The following EIF2S2 variants were observed in gnomAD, a reference collection of about 807,000 sequenced individuals.
The protein encoded by EIF2S2 is eukaryotic translation initiation factor 2 subunit 2.
Under a neutral mutation model 44.0 loss-of-function variants are expected in EIF2S2, and 4 were observed. The ratio of observed to expected loss-of-function variants is 0.09; its 90% CI spans 0.04 to 0.21. EIF2S2 has a LOEUF of 0.21. EIF2S2 is among the 10% of genes least tolerant of loss of function. EIF2S2 has a pLI of 1.00. For synonymous variants in EIF2S2, 108 were observed against 128.3 expected, an observed-to-expected ratio of 0.84 and a Z score of 1.07; for missense variants, 154 against 392.0, an observed-to-expected ratio of 0.39 and a Z score of 5.13.
intron 4 of EIF2S2, among the ~76,000 whole-genome samples, chr20:34,097,878 A>G (rs559581586): frequency 6.6e-6 from 1 of 152,372 alleles, no homozygotes; most frequent in African/African-American, 2.4e-5. Context: ...ATCTACTGAC[A>G]AAAGTTCTCT....
intron 6 of EIF2S2, 135 bp downstream of exon 6, chr20:34,096,522 G>A (rs2034230912): frequency 4.8e-6 from 4 of 829,028 alleles, no homozygotes; most frequent in East Asian, 2.7e-5. Context: ...AGGCTTGAAC[G>A]GTGAACTCCC....
chr20:34,101,184 C>A (rs1044532893), intron 3 of EIF2S2, among the ~76,000 whole-genome samples: 1 of 152,216 alleles, frequency 6.6e-6, no homozygotes, highest in Non-Finnish European at 1.5e-5. Context: ...GTGGCTCACA[C>A]CTGTCATCCC....
At chr20:34,092,260 A>G (rs1021748489) in intron 7 of EIF2S2, among the ~76,000 whole-genome samples, 1 of 152,212 alleles carries the variant, frequency 6.6e-6, no homozygotes, top group African/African-American at 2.4e-5. Flanking sequence ...ACTTGTTATA[A>G]TAGTTTATCC....
intron 1 of EIF2S2, among the ~76,000 whole-genome samples, chr20:34,109,522 C>T (rs1466104635): frequency 1.3e-5 from 2 of 151,846 alleles, no homozygotes; most frequent in Non-Finnish European, 2.9e-5. Context: ...TTAGCGGGTG[C>T]AAGAGCATGC....
At chr20:34,111,220 G>A (rs2034408229) in intron 1 of EIF2S2, among the ~76,000 whole-genome samples, 1 of 152,076 alleles carries the variant, frequency 6.6e-6, no homozygotes, top group African/African-American at 2.4e-5. Context: ...GGCCTTTCTC[G>A]ACCATTCCTT....
chr20:34,110,686 T>A (rs2034402561), intron 1 of EIF2S2, among the ~76,000 whole-genome samples: 1 of 152,214 alleles, frequency 6.6e-6, no homozygotes, highest in East Asian at 1.9e-4. Context: ...GTCCTATTTC[T>A]ACCTTGTGTG....
chr20:34,100,798 G>A (rs1027078872), intron 3 of EIF2S2, among the ~76,000 whole-genome samples: 4 of 152,168 alleles, frequency 2.6e-5, no homozygotes, highest in Non-Finnish European at 4.4e-5. Context: ...ACAAAGTAAA[G>A]CTTGACCCCA....
intron 3 of EIF2S2, among the ~76,000 whole-genome samples, chr20:34,102,812 G>A (rs191910019): frequency 1.3e-5 from 2 of 152,210 alleles, no homozygotes; most frequent in East Asian, 3.9e-4. Context: ...CTCTAGGGAG[G>A]AAAACAGATC....
intron 6 of EIF2S2, 22 bp from the exon 7 acceptor site, chr20:34,093,753 A>G: frequency 1.9e-6 from 3 of 1,580,778 alleles, no homozygotes; most frequent in Non-Finnish European, 2.6e-6. Flanking sequence ...ATCAAAATAT[A>G]TAAACCTTAT....
intron 1 of EIF2S2, among the ~76,000 whole-genome samples, chr20:34,106,842 G>A (rs1260569183): frequency 2.0e-5 from 3 of 152,138 alleles, no homozygotes; most frequent in Non-Finnish European, 4.4e-5. Context: ...AAGTTATCTA[G>A]ACATAATAGT....
chr20:34,091,768 TA>T (rs1395383688), intron 7 of EIF2S2, among the ~76,000 whole-genome samples: 1 of 58,900 alleles, frequency 1.7e-5, no homozygotes, highest in African/African-American at 7.1e-5. Context: ...TATATATATT[TA>T]TTTTTTTGGG....
intron 2 of EIF2S2, among the ~76,000 whole-genome samples, chr20:34,103,913 G>A (rs1443401770): frequency 2.0e-5 from 3 of 152,054 alleles, no homozygotes; most frequent in Non-Finnish European, 4.4e-5. Flanking sequence ...GTTTCACCAC[G>A]TTAGCCAGGA....
intron 3 of EIF2S2, among the ~76,000 whole-genome samples, chr20:34,102,004 A>G (rs951808159): frequency 1.3e-5 from 2 of 152,160 alleles, no homozygotes; most frequent in Non-Finnish European, 2.9e-5. Flanking sequence ...GGCTTTTCAA[A>G]AGCCCTCGGA....
At chr20:34,101,069 T>C (rs2034289716) in intron 3 of EIF2S2, among the ~76,000 whole-genome samples, 1 of 152,168 alleles carries the variant, frequency 6.6e-6, no homozygotes, top group Non-Finnish European at 1.5e-5. Flanking sequence ...GCAGAAAAGT[T>C]GGAATAGCTG....
chr20:34,091,131 TAAC>T (rs1430539830), intron 7 of EIF2S2, among the ~76,000 whole-genome samples: 2 of 152,210 alleles, frequency 1.3e-5, no homozygotes, highest in African/African-American at 4.8e-5. Context: ...TCTCCAGTGA[TAAC>T]AATCAGATTT....
chr20:34,089,093 C>A lies in EIF2S2; in HGVS notation c.*637G>T, dbSNP rs1036474890. 6.6e-6 allele frequency: 1 copy of A among 152,646 alleles called. No homozygotes were observed. Among genetic ancestry groups the A allele is most frequent in the Admixed American group, 6.5e-5 (1 of 15,286 alleles). The allele number at this position is 152,646 out of a possible 1,614,324, so 9.5% of individuals were successfully genotyped here. ...AGGAGGGTACCTAGCACCTTGTATT[C>A]CCTCATGTGGTAACAGCTGGGGGAG... On this transcript the variant is annotated 3_prime_UTR_variant, in exon 9 of 9. Transcript: ENST00000374980.
At chr20:34,090,726 G>A (rs766531163) in intron 7 of EIF2S2, 124 bp from the exon 8 acceptor site, 19 of 516,018 alleles carry the variant, frequency 3.7e-5, no homozygotes, top group Non-Finnish European at 6.4e-5. Context: ...TCTAGGACTG[G>A]TGCTATACTA....
chr20:34,104,378 C>G (rs1179852106), intron 2 of EIF2S2, among the ~76,000 whole-genome samples: 1 of 152,148 alleles, frequency 6.6e-6, no homozygotes, highest in East Asian at 1.9e-4. Flanking sequence ...CCATCTTTCC[C>G]CACAACTGGG....
intron 7 of EIF2S2, among the ~76,000 whole-genome samples, chr20:34,091,458 G>A (rs2034161588): frequency 6.6e-6 from 1 of 152,130 alleles, no homozygotes; most frequent in African/African-American, 2.4e-5. Context: ...GCTCACGCCT[G>A]TAATCCCAGC....
Sources: allele counts gnomAD v4.1 joint callset (sites outside exome capture counted in the v4.1 genomes callset), GRCh38; gene constraint gnomAD v4.1.1; transcripts MANE v1.5; gene names NCBI Gene and HGNC (gene_info 2026-07-23, HGNC 2026-07-21).